COL4A4: variants seen among roughly 807,000 people sequenced by gnomAD.
COL4A4 encodes collagen alpha-4(IV) chain.
COL4A4 carries 105 observed loss-of-function variants against 192.9 expected under a neutral mutation model. That is an observed-to-expected ratio of 0.54 (90% CI 0.46 to 0.64). The LOEUF is 0.64. Ranked by LOEUF, COL4A4 falls within the 30% of genes least tolerant of loss-of-function variation. The probability of loss-of-function intolerance (pLI) is 0.00; values close to 1 mark genes in which losing one functional copy is unlikely to be tolerated. For missense variants in COL4A4, 1,967 were observed against 2,169.3 expected (o/e 0.91, Z 1.85); for synonymous variants, 762 against 769.9 (o/e 0.99, Z 0.17).
chr2:227,115,309 C>T (rs2061434126), intron 7 of COL4A4, among the ~76,000 whole-genome samples: 1 of 132,488 alleles, frequency 7.5e-6, no homozygotes, highest in African/African-American at 3.0e-5. Context: ...CTCGCTCTGT[C>T]TACCAGGCTG....
rs34709053 is a variant in COL4A4 at position 227,144,266 on chromosome 2, C to CA, written c.114+249dup. Among the ~76,000 whole-genome samples the CA allele has an allele frequency of 3.0e-4, 45 of 150,468 alleles. No individual in the cohort carries two copies. In the East Asian group the frequency reaches 4.1e-3, roughly 14 times the overall value. The stretch of plus-strand genomic sequence containing the variant: ...GGCCCAGCTGCCTCTTGCCTGTCTC[C>CA]AAAAAAAAACTTTTAAAGAAAGGGT... On this transcript the variant is annotated intron_variant, in intron 3 of 47. Coordinates refer to ENST00000396625, the MANE Select transcript of COL4A4 (RefSeq NM_000092.5).
intron 44 of COL4A4, among the ~76,000 whole-genome samples, chr2:227,016,526 G>A (rs139738830): frequency 3.6e-4 from 55 of 152,314 alleles, no homozygotes; most frequent in African/African-American, 1.2e-3. Context: ...CAGCAACAGG[G>A]TTGAGTGGTC....
At chr2:227,095,298 GCAGC>G (rs1418530334) in intron 19 of COL4A4, among the ~76,000 whole-genome samples, 1 of 152,168 alleles carries the variant, frequency 6.6e-6, no homozygotes, top group Non-Finnish European at 1.5e-5. Context: ...ACCTATCACA[GCAGC>G]CCAGGTTGAT....
chr2:227,055,692 AC>A (rs1177525177), intron 30 of COL4A4, among the ~76,000 whole-genome samples: 4 of 151,954 alleles, frequency 2.6e-5, no homozygotes, highest in Admixed American at 6.6e-5. Context: ...CTAGGAGTTT[AC>A]CGTGCTACCC....
At chr2:227,136,605 T>C (rs1267713685) in intron 4 of COL4A4, among the ~76,000 whole-genome samples, 1 of 152,150 alleles carries the variant, frequency 6.6e-6, no homozygotes, top group African/African-American at 2.4e-5. Context: ...CCACCTTAGA[T>C]TGTTCCATCT....
At chr2:227,092,250 A>C (rs536338463) in intron 20 of COL4A4, among the ~76,000 whole-genome samples, 72 of 152,296 alleles carry the variant, frequency 4.7e-4, no homozygotes, top group African/African-American at 1.7e-3. Flanking sequence ...GCCAAACTAG[A>C]AATCAAAGTC....
downstream of COL4A4, among the ~76,000 whole-genome samples, chr2:227,002,296 C>T (rs1961191567): frequency 6.6e-6 from 1 of 151,984 alleles, no homozygotes; most frequent in Non-Finnish European, 1.5e-5. Flanking sequence ...CTTCAAGTCA[C>T]AGTGGTTAAA....
At chr2:227,133,008 T>C (rs777676795) in intron 4 of COL4A4, among the ~76,000 whole-genome samples, 30 of 152,240 alleles carry the variant, frequency 2.0e-4, no homozygotes, top group Non-Finnish European at 3.1e-4. Flanking sequence ...TATAGTAGAT[T>C]ATTTCCCCCA....
chr2:227,107,756 C>CTTTT (rs71036157), intron 12 of COL4A4, among the ~76,000 whole-genome samples: 1 of 109,204 alleles, frequency 9.2e-6, no homozygotes, highest in African/African-American at 3.7e-5. Flanking sequence ...AATCACTTTT[C>CTTTT]TTTTTTTTTT....
chr2:226,992,939 C>T, the COL4A4 span, among the ~76,000 whole-genome samples: 1 of 152,140 alleles, frequency 6.6e-6, no homozygotes, highest in East Asian at 1.9e-4. Flanking sequence ...GGAGTGAAAG[C>T]TAAGTGGAGA....
chr2:226,970,558 G>C, the COL4A4 span, among the ~76,000 whole-genome samples: 1 of 152,160 alleles, frequency 6.6e-6, no homozygotes, highest in Non-Finnish European at 1.5e-5. Flanking sequence ...CACTGGTAGA[G>C]GTCCATTTCT....
At chr2:227,041,961 G>T (rs1203391063) in intron 37 of COL4A4, among the ~76,000 whole-genome samples, 187 bp downstream of exon 37, 1 of 152,074 alleles carries the variant, frequency 6.6e-6, no homozygotes, top group Non-Finnish European at 1.5e-5. Flanking sequence ...TAGAAGGCAG[G>T]TCAGCTGACT....
chr2:227,061,362 T>C (rs1976999636), intron 26 of COL4A4, among the ~76,000 whole-genome samples: 1 of 152,190 alleles, frequency 6.6e-6, no homozygotes. Context: ...TTTTGGGCAA[T>C]AGGAAATGAA....
rs189666176 is a variant in COL4A4 at position 227,092,282 on chromosome 2, T to C, written c.1369+1843A>G. 4.9e-3 allele frequency among the ~76,000 whole-genome samples: 739 copies of C among 152,282 alleles called. 2 individuals carry two copies. The highest frequency in any genetic ancestry group is 8.8e-3 in the Non-Finnish European group (599 of 68,016). Reference sequence around the variant, plus strand: ...AGTCCACAGCAGAATTAAGGCATTTTCAGACAAGCAAGATCTCCCAACTTT... The same window carrying C: ...AGTCCACAGCAGAATTAAGGCATTTCCAGACAAGCAAGATCTCCCAACTTT... On this transcript the variant is annotated intron_variant, in intron 20 of 47. Transcript: ENST00000396625.
intron 25 of COL4A4, among the ~76,000 whole-genome samples, chr2:227,066,025 C>T (rs566783069): frequency 2.6e-5 from 4 of 152,208 alleles, no homozygotes; most frequent in East Asian, 3.9e-4. Context: ...TAGAGAAGTG[C>T]TTAAAGGAGC....
At chr2:226,988,608 GC>G in the COL4A4 span, 1 of 1,354,156 alleles carries the variant, frequency 7.4e-7, no homozygotes, top group Non-Finnish European at 9.5e-7. Context: ...GGCTCCAGCT[GC>G]CCCTCCGAGC....
intron 1 of COL4A4, among the ~76,000 whole-genome samples, chr2:227,152,399 T>A (rs188501699): frequency 6.6e-6 from 1 of 152,224 alleles, no homozygotes; most frequent in Non-Finnish European, 1.5e-5. Flanking sequence ...CTCCTGAGAA[T>A]CTTTTTGTCT....
intron 40 of COL4A4, among the ~76,000 whole-genome samples, chr2:227,030,909 T>A (rs1302082863): frequency 6.9e-6 from 1 of 144,176 alleles, no homozygotes; most frequent in Non-Finnish European, 1.5e-5. Context: ...ATCTTACTGC[T>A]TTAATAAGAT....
intron 4 of COL4A4, among the ~76,000 whole-genome samples, chr2:227,132,430 C>T (rs773872884): frequency 2.0e-5 from 3 of 152,032 alleles, no homozygotes; most frequent in African/African-American, 7.2e-5. Context: ...GGTTACTTGC[C>T]GAATGAATGG....
Sources: gnomAD v4.1 joint callset for allele counts (sites outside exome capture counted in the v4.1 genomes callset) on GRCh38, gnomAD v4.1.1 for gene constraint, MANE v1.5 for transcripts, NCBI Gene and HGNC (gene_info 2026-07-23, HGNC 2026-07-21) for gene names.